Variants in SCNN1A observed in about 807,000 individuals in gnomAD.
SCNN1A encodes epithelial sodium channel subunit alpha.
Under a neutral mutation model 68.6 loss-of-function variants are expected in SCNN1A, and 65 were observed. The ratio of observed to expected loss-of-function variants is 0.95; its 90% confidence interval spans 0.78 to 1.16. SCNN1A has a LOEUF of 1.16. SCNN1A is among the 50% of genes most tolerant of loss of function. The pLI, the probability that SCNN1A is intolerant of heterozygous loss-of-function variation, is 0.00. For missense variants in SCNN1A, 880 were observed against 865.9 expected, an observed-to-expected ratio of 1.02 and a Z score of -0.20; for synonymous variants, 357 against 353.3, an observed-to-expected ratio of 1.01 and a Z score of -0.12.
chr12:6,364,744 A>G lies in SCNN1A; in HGVS notation c.417-1034T>C, dbSNP rs1035097092. Among the ~76,000 whole-genome samples, 5 of 146,508 alleles carry G rather than the reference A, an allele frequency of 3.4e-5. No homozygotes were observed. In the East Asian group the frequency reaches 1.0e-3, roughly 30 times the overall value. ...GCCACTACACTCCAGCCTGGGAGAC[A>G]GAGCGAGACTCCGTCTCAAAAAAAA... On this transcript the variant is annotated intron_variant, in intron 2 of 12. Transcript: ENST00000228916.
In SCNN1A at chr12:6,375,544, G is replaced by A. The variant is rs1411551635; in HGVS notation, c.-94C>T. The A allele has an allele frequency of 6.5e-6, 10 of 1,534,864 alleles. No individual in the cohort carries two copies. Among genetic ancestry groups the A allele is most frequent in the East Asian group, 2.5e-5 (1 of 40,808 alleles). ...GGCCTGGCTGGGGAGCCCGCCCGCTGGCCGGCCAGGGATGGAAGCGACAGG... is the reference window on the plus strand; with the variant it reads ...GGCCTGGCTGGGGAGCCCGCCCGCTAGCCGGCCAGGGATGGAAGCGACAGG... On this transcript the variant is annotated 5_prime_UTR_variant, in exon 1 of 13. Coordinates refer to ENST00000228916, the MANE Select transcript of SCNN1A (RefSeq NM_001038.6).
At chr12:6,360,210 C>T (rs1711781078) in intron 4 of SCNN1A, among the ~76,000 whole-genome samples, 4 of 152,196 alleles carry the variant, frequency 2.6e-5, no homozygotes, top group South Asian at 2.1e-4. Context: ...GGCAAAAGAA[C>T]GCAGTAGGGT....
chr12:6,364,633 G>T (rs961408753), intron 2 of SCNN1A, among the ~76,000 whole-genome samples: 1 of 151,920 alleles, frequency 6.6e-6, no homozygotes, highest in African/African-American at 2.4e-5. Context: ...TTGGTGGCGG[G>T]CGCCTGTAGT....
At chr12:6,369,968 A>G (rs1948757672) in intron 2 of SCNN1A, among the ~76,000 whole-genome samples, 1 of 152,198 alleles carries the variant, frequency 6.6e-6, no homozygotes, top group South Asian at 2.1e-4. Context: ...CACATTGAAG[A>G]CATCCGATCT....
Position 6,348,871 on chromosome 12 carries a change from C to A in SCNN1A, c.1554-69G>T. ...ATTTCCTGGACCTTCCTCTAATCAA[C>A]CATATCGATCCCTCTTCTTAGGTCT... is the stretch of plus-strand genomic sequence containing the variant. On this transcript the variant is annotated intron_variant, in intron 11 of 12. Coordinates refer to ENST00000228916, the MANE Select transcript of SCNN1A (RefSeq NM_001038.6). 4 of 1,602,214 alleles carry A rather than the reference C, an allele frequency of 2.5e-6. No individual in the cohort carries two copies. In the Admixed American group the frequency reaches 6.7e-5, roughly 27 times the overall value.
At chr12:6,348,645 A>G in intron 12 of SCNN1A, 82 bp downstream of exon 12, 2 of 1,214,086 alleles carry the variant, frequency 1.6e-6, no homozygotes, top group Non-Finnish European at 2.4e-6. Flanking sequence ...GCCCACAGAG[A>G]CAACCTTTTG....
rs373834849 is a variant in SCNN1A, at chr12:6,374,418, C to T, written c.366G>A (p.Ser122=). The change falls in exon 2 of 13, where the codon TCG becomes TCA. Residue 122 remains serine (S), a synonymous_variant. Transcript: ENST00000228916. This position sits in a 1 kb window ranked among gnomAD's most constrained non-coding sequence, Gnocchi z 6.2. ...YPVSLNINLN[S]DKLVFPAVTI... ...TCACTGCGGGGAAGACGAGCTTGTCCGAGTTGAGGTTGATGTTGAGGCTGA... is the reference window on the plus strand; with the variant it reads ...TCACTGCGGGGAAGACGAGCTTGTCTGAGTTGAGGTTGATGTTGAGGCTGA... 10 of 1,614,068 alleles carry T rather than the reference C, an allele frequency of 6.2e-6. No homozygotes were observed. The highest frequency in any genetic ancestry group is 1.3e-5 in the African/African-American group (1 of 74,930).
At chr12:6,350,247 A>C (rs1764914563) in intron 8 of SCNN1A, among the ~76,000 whole-genome samples, 1 of 149,164 alleles carries the variant, frequency 6.7e-6, no homozygotes, top group Non-Finnish European at 1.5e-5. Context: ...CCTGGCTAAC[A>C]CGGTGAAACC....
At chr12:6,376,257 C>A (rs78715725), upstream of SCNN1A, 6 of 913,392 alleles carry the variant, frequency 6.6e-6, no homozygotes, top group Non-Finnish European at 7.8e-6. Flanking sequence ...CTCGCCACCC[C>A]CTCCAACCTT....
chr12:6,362,479 C>A (rs1948596739), intron 3 of SCNN1A, among the ~76,000 whole-genome samples: 1 of 152,124 alleles, frequency 6.6e-6, no homozygotes, highest in Non-Finnish European at 1.5e-5. Flanking sequence ...TGCACACACA[C>A]GGTTTTGGTT....
chr12:6,357,255 A>C (rs931704890), intron 4 of SCNN1A, among the ~76,000 whole-genome samples: 5 of 152,136 alleles, frequency 3.3e-5, no homozygotes, highest in African/African-American at 9.7e-5. Context: ...AGAAACACGG[A>C]TGGGTTTTAA....
In SCNN1A at chr12:6,374,717, C is replaced by A; in HGVS notation, c.67G>T (p.Gly23Trp). The A allele has an allele frequency of 1.2e-6, 2 of 1,614,134 alleles. No homozygotes were observed. The highest frequency in any genetic ancestry group is 1.7e-6 in the Non-Finnish European group (2 of 1,180,020). Residue 23 changes from glycine (G) to tryptophan (W), a missense_variant, in exon 2 of 13, where the codon GGG (glycine) becomes TGG (tryptophan). Coordinates refer to ENST00000228916, the MANE Select transcript of SCNN1A (RefSeq NM_001038.6). This position sits in a 1 kb window ranked among gnomAD's most constrained non-coding sequence, Gnocchi z 6.2. ...PPQSTPGLMK[G>W]NKREEQGLGP... ...AGCCCCTGCTCCTCACGCTTGTTCC[C>A]CTTCATGAGCCCTGGAGTGGACTGT...
At position 6,347,164 on chromosome 12, in the gene SCNN1A, T is replaced by C. The variant is rs1948270684; in HGVS notation, c.*709A>G. 6.6e-6 allele frequency: 1 copy of C among 152,494 alleles called. No individual in the cohort carries two copies. The allele number at this position is 152,494 out of a possible 1,614,324, so 9.4% of individuals were successfully genotyped here. The stretch of plus-strand genomic sequence containing the variant: ...GGATGCATAGGAGTTCTCTGGCAGA[T>C]GGTTGGGGAAACTTTCAGGCTGAGG... On this transcript the variant is annotated 3_prime_UTR_variant, in exon 13 of 13. Transcript: ENST00000228916.
At chr12:6,373,747 G>A (rs951388315) in intron 2 of SCNN1A, among the ~76,000 whole-genome samples, 1 of 152,186 alleles carries the variant, frequency 6.6e-6, no homozygotes, top group African/African-American at 2.4e-5. Flanking sequence ...TCTTTTGGGG[G>A]AAGAGCTTCA....
intron 2 of SCNN1A, chr12:6,363,925 G>A (rs888784533): frequency 8.4e-6 from 4 of 474,378 alleles, no homozygotes; most frequent in South Asian, 3.7e-5. Context: ...GAGCCCAGCC[G>A]GGACACTGTG....
rs1429002172 is a variant in SCNN1A, at chr12:6,362,208, T to C, written c.718A>G (p.Thr240Ala). The part of the protein sequence containing the change: ...NQNKSDCFYQ[T>A]YSSGVDAVRE... ...ACCGCATCCACCCCTGATGAGTATG[T>C]CTGGTAGAAGCAGTCCGATTTGTTC... is the stretch of plus-strand genomic sequence containing the variant. Residue 240 changes from threonine to alanine, a missense_variant, in exon 4 of 13, where the codon ACA becomes GCA. By Grantham distance (58) the Thr-to-Ala change is moderately conservative. Transcript: ENST00000228916. 6.2e-7 allele frequency: 1 copy of C among 1,614,162 alleles called. No homozygotes were observed.
Position 6,374,372 on chromosome 12 carries a change from A to G in SCNN1A, c.412T>C (p.Tyr138His), listed in dbSNP as rs1565488147. The G allele has an allele frequency of 2.5e-6, 4 of 1,614,020 alleles. No individual in the cohort carries two copies. The highest frequency in any genetic ancestry group is 1.1e-5 in the South Asian group (1 of 91,088). The change falls in exon 2 of 13, where the codon TAC becomes CAC. Residue 138 changes from tyrosine (Y) to histidine (H), a missense_variant. Physicochemically the swap from Tyr to His is moderately conservative, Grantham distance 83. This residue lies in a region of SCNN1A where 758 missense variants were observed against 721.8 expected (regional missense o/e 1.05). Coordinates refer to ENST00000228916, the MANE Select transcript of SCNN1A (RefSeq NM_001038.6). The surrounding 1 kb of genome is among the most constrained non-coding windows in gnomAD (Gnocchi z 6.2). ...GGGGCAGAGGGACTAACCGACCTGT[A>G]GGGATTGAGGGTGCAGATGGTCACT... ...PAVTICTLNP[Y>H]RYPEIKEELE...
In SCNN1A at chr12:6,374,580, G is replaced by A. The variant is rs1188283471; in HGVS notation, c.204C>T (p.Ile68=). The A allele has an allele frequency of 6.2e-7, 1 of 1,614,026 alleles. No individual in the cohort carries two copies. Among genetic ancestry groups the A allele is most frequent in the Non-Finnish European group, 8.5e-7 (1 of 1,180,042 alleles). Residue 68 remains isoleucine (I), a synonymous_variant, in exon 2 of 13, where the codon ATC becomes ATT. Transcript: ENST00000228916. The surrounding 1 kb of genome is among the most constrained non-coding windows in gnomAD (Gnocchi z 6.2). The part of the protein sequence containing the change: ...LFEFFCNNTT[I]HGAIRLVCSQ... ...AGCACACCAGGCGGATGGCGCCGTGGATGGTGGTGTTGTTGCAGAAGAACT... is the reference window on the plus strand; with the variant it reads ...AGCACACCAGGCGGATGGCGCCGTGAATGGTGGTGTTGTTGCAGAAGAACT...
chr12:6,371,969 G>A (rs895886867), intron 2 of SCNN1A, among the ~76,000 whole-genome samples: 14 of 151,814 alleles, frequency 9.2e-5, no homozygotes, highest in Non-Finnish European at 1.5e-4. Flanking sequence ...GCTGATTTTT[G>A]TATTTTTAGT....
Sources: allele counts gnomAD v4.1 joint callset (sites outside exome capture counted in the v4.1 genomes callset), GRCh38; gene constraint gnomAD v4.1.1; regional missense constraint gnomAD v4.1.1; non-coding constraint Gnocchi (gnomAD v3.1); transcripts MANE v1.5; gene names NCBI Gene and HGNC (gene_info 2026-07-23, HGNC 2026-07-21).